Variants in ZBTB20 observed in about 807,000 individuals in gnomAD.
ZBTB20 encodes zinc finger and BTB domain-containing protein 20.
A neutral mutation model predicts 56.9 loss-of-function variants in ZBTB20; 9 were observed. The ratio of observed to expected loss-of-function variants is 0.16; its 90% CI spans 0.10 to 0.28. The LOEUF is 0.28. Ranked by LOEUF, ZBTB20 falls within the 10% of genes least tolerant of loss-of-function variation. ZBTB20 has a pLI of 1.00. For missense variants in ZBTB20, 655 were observed against 1,003.0 expected, an observed-to-expected ratio of 0.65 and a Z score of 4.69; for synonymous variants, 417 against 420.7, an observed-to-expected ratio of 0.99 and a Z score of 0.11.
chr3:114,320,617 C>G lies in ZBTB20; in HGVS notation c.*18388G>C, dbSNP rs1351270461. ...ACTGCTCTTCTGTCTTTTCCTTCAA[C>G]TTTTAATCTTTTACTCCCTAGTTCT... On this transcript the variant is annotated 3_prime_UTR_variant, in exon 12 of 12. Transcript: ENST00000675478. 1 of 152,172 alleles carries G rather than the reference C, an allele frequency of 6.6e-6. No individual in the cohort carries two copies. The highest frequency in any genetic ancestry group is 1.9e-4 in the East Asian group (1 of 5,196). 9.4% of individuals were successfully genotyped at this position (152,172 alleles called of 1,614,324 possible). A position where few individuals can be genotyped will look rare whatever the true frequency, so the allele number is the denominator to read the frequency against.
intron 5 of ZBTB20, among the ~76,000 whole-genome samples, chr3:114,762,236 A>C (rs1480689645): frequency 6.6e-6 from 1 of 152,228 alleles, no homozygotes; most frequent in East Asian, 1.9e-4. Flanking sequence ...TATTTAATGT[A>C]GATGAAAAAG....
At chr3:115,120,025 G>A (rs1323188442) in intron 1 of ZBTB20, among the ~76,000 whole-genome samples, 1 of 152,086 alleles carries the variant, frequency 6.6e-6, no homozygotes, top group Admixed American at 6.6e-5. Context: ...GGGGCTGGGG[G>A]AGAGAGGGAT....
At chr3:115,040,514 G>C (rs924948519) in intron 2 of ZBTB20, among the ~76,000 whole-genome samples, 5 of 152,074 alleles carry the variant, frequency 3.3e-5, no homozygotes, top group Non-Finnish European at 5.9e-5. Context: ...GGCAGAAGAA[G>C]CATTATGTAC....
chr3:114,422,526 C>G (rs893346244), intron 7 of ZBTB20, among the ~76,000 whole-genome samples: 2 of 152,116 alleles, frequency 1.3e-5, no homozygotes, highest in African/African-American at 4.8e-5. Context: ...TAGATTTACC[C>G]TGCACCCCCA....
chr3:114,582,663 A>C (rs1172465248), intron 6 of ZBTB20, among the ~76,000 whole-genome samples: 3 of 152,226 alleles, frequency 2.0e-5, no homozygotes, highest in Non-Finnish European at 4.4e-5. Flanking sequence ...TATAGGCGTG[A>C]GCCACCATGC....
intron 10 of ZBTB20, among the ~76,000 whole-genome samples, chr3:114,352,456 T>G (rs1347181362): frequency 6.6e-6 from 1 of 152,178 alleles, no homozygotes; most frequent in Non-Finnish European, 1.5e-5. Context: ...ACACCATGTA[T>G]GCAAAAATTA....
At chr3:114,472,890 AG>A (rs2040303371) in intron 7 of ZBTB20, among the ~76,000 whole-genome samples, 1 of 152,132 alleles carries the variant, frequency 6.6e-6, no homozygotes, top group South Asian at 2.1e-4. Flanking sequence ...CAAACCAAAG[AG>A]GGTATGTTAA....
At position 114,316,651 on chromosome 3, in the gene ZBTB20, C is replaced by T. The variant is rs892644298; in HGVS notation, c.*22354G>A. 1.4e-5 allele frequency: 6 copies of T among 434,314 alleles called. No individual in the cohort carries two copies. The highest frequency in any genetic ancestry group is 1.3e-4 in the African/African-American group (6 of 46,802). 26.9% of individuals were successfully genotyped at this position (434,314 alleles called of 1,614,324 possible). A position where few individuals can be genotyped will look rare whatever the true frequency, so the allele number is the denominator to read the frequency against. On this transcript the variant is annotated 3_prime_UTR_variant, in exon 12 of 12. Coordinates refer to ENST00000675478, the MANE Select transcript of ZBTB20 (RefSeq NM_001348800.3). ...CCCTGCTCCCTCTGTATATTTTAAA[C>T]AGTCTGGAGCTTTAATTTATTTTTT...
At chr3:114,472,433 C>T (rs1023453611) in intron 7 of ZBTB20, among the ~76,000 whole-genome samples, 4 of 152,108 alleles carry the variant, frequency 2.6e-5, no homozygotes, top group Non-Finnish European at 5.9e-5. Context: ...CTCAGCTGGG[C>T]GCGCAGTGGC....
intron 1 of ZBTB20, among the ~76,000 whole-genome samples, chr3:115,085,634 A>G (rs1007972214): frequency 6.6e-6 from 1 of 152,008 alleles, no homozygotes; most frequent in African/African-American, 2.4e-5. Context: ...TTATTTGGGC[A>G]TAATTTCCAA....
intron 4 of ZBTB20, among the ~76,000 whole-genome samples, chr3:114,885,878 A>C (rs950935668): frequency 6.6e-6 from 1 of 152,188 alleles, no homozygotes; most frequent in African/African-American, 2.4e-5. Flanking sequence ...GAGACCTATA[A>C]TACTGGTTCT....
Position 114,332,169 on chromosome 3 carries a change from T to C in ZBTB20, c.*6836A>G, listed in dbSNP as rs1207013229. The C allele has an allele frequency of 6.7e-6, 1 of 150,110 alleles. No homozygotes were observed. The highest frequency in any genetic ancestry group is 1.5e-5 in the Non-Finnish European group (1 of 67,600). 9.3% of individuals were successfully genotyped at this position (150,110 alleles called of 1,614,324 possible). ...GAAACAGGGTTAGTAGGGACTTTTA[T>C]ACCCAGCTGGGCATCCCAGAAGCCT... is the stretch of plus-strand genomic sequence containing the variant. On this transcript the variant is annotated 3_prime_UTR_variant, in exon 12 of 12. Coordinates refer to ENST00000675478, the MANE Select transcript of ZBTB20 (RefSeq NM_001348800.3).
intron 4 of ZBTB20, among the ~76,000 whole-genome samples, chr3:114,809,576 C>A (rs922033802): frequency 1.3e-5 from 2 of 151,956 alleles, no homozygotes; most frequent in East Asian, 3.9e-4. Context: ...TATAGTAATA[C>A]TTTAATTATT....
intron 4 of ZBTB20, among the ~76,000 whole-genome samples, chr3:114,868,290 A>C (rs1396819452): frequency 6.6e-6 from 1 of 152,202 alleles, no homozygotes; most frequent in Non-Finnish European, 1.5e-5. Context: ...GGCAACTGAC[A>C]ATAAGACCTG....
chr3:114,787,474 T>C (rs142603228), intron 5 of ZBTB20, among the ~76,000 whole-genome samples: 36 of 150,918 alleles, frequency 2.4e-4, no homozygotes, highest in African/African-American at 8.3e-4. Flanking sequence ...TATATATCCA[T>C]TTATATGACA....
intron 7 of ZBTB20, among the ~76,000 whole-genome samples, chr3:114,454,991 G>C (rs1045609526): frequency 3.5e-5 from 5 of 144,246 alleles, no homozygotes; most frequent in South Asian, 4.5e-4. Flanking sequence ...GAGAGAGAGA[G>C]ACACCAACCG....
intron 2 of ZBTB20, chr3:115,027,562 A>C (rs965499503): frequency 2.6e-5 from 4 of 151,004 alleles, no homozygotes; most frequent in African/African-American, 9.7e-5. Context: ...TGTGTCATGC[A>C]GTCCTTTGGA....
At chr3:115,089,096 C>T (rs1233384761) in intron 1 of ZBTB20, among the ~76,000 whole-genome samples, 1 of 151,730 alleles carries the variant, frequency 6.6e-6, no homozygotes, top group Non-Finnish European at 1.5e-5. Flanking sequence ...ACTTAAATCC[C>T]ACAAAGTTTA....
At chr3:114,878,635 A>G (rs2076287129) in intron 4 of ZBTB20, among the ~76,000 whole-genome samples, 1 of 151,878 alleles carries the variant, frequency 6.6e-6, no homozygotes, top group African/African-American at 2.4e-5. Context: ...CTTTGAAAGT[A>G]AATTCACATA....
Sources: gnomAD v4.1 joint callset for allele counts (sites outside exome capture counted in the v4.1 genomes callset) on GRCh38, gnomAD v4.1.1 for gene constraint, MANE v1.5 for transcripts, NCBI Gene and HGNC (gene_info 2026-07-23, HGNC 2026-07-21) for gene names.